The following CELF4 variants were observed in gnomAD, a reference collection of about 807,000 sequenced individuals.
CELF4 encodes CUGBP Elav-like family member 4.
A neutral mutation model predicts 59.9 loss-of-function variants in CELF4; 18 were observed. The observed-to-expected ratio is 0.30, with a 90% CI of 0.21 to 0.45. CELF4 has a LOEUF of 0.45. Ranked by LOEUF, CELF4 falls within the 20% of genes least tolerant of loss-of-function variation. The pLI, the probability that CELF4 is intolerant of heterozygous loss-of-function variation, is 1.00. For missense variants in CELF4, 456 were observed against 689.0 expected (o/e 0.66, Z 3.79); for synonymous variants, 261 against 267.1 (o/e 0.98, Z 0.22).
chr18:37,458,374 AT>A (rs2099784515), intron 2 of CELF4, among the ~76,000 whole-genome samples: 2 of 152,074 alleles, frequency 1.3e-5, no homozygotes, highest in African/African-American at 4.8e-5. Flanking sequence ...ACTAGTGGAG[AT>A]TTCCCCATGG....
intron 2 of CELF4, among the ~76,000 whole-genome samples, chr18:37,474,698 A>T (rs1403466012): frequency 1.3e-5 from 2 of 152,262 alleles, no homozygotes; most frequent in African/African-American, 4.8e-5. Flanking sequence ...GCGAGTACAC[A>T]GTGATTGGTA....
intron 3 of CELF4, among the ~76,000 whole-genome samples, chr18:37,318,110 G>A (rs1316531320): frequency 1.3e-5 from 2 of 152,192 alleles, no homozygotes; most frequent in Non-Finnish European, 2.9e-5. Context: ...GGCAGCTGTG[G>A]ATGGGTGTCC....
chr18:37,353,674 G>T (rs937562755), intron 2 of CELF4, among the ~76,000 whole-genome samples: 1 of 144,034 alleles, frequency 6.9e-6, no homozygotes, highest in Non-Finnish European at 1.5e-5. Flanking sequence ...GGGATGAGGG[G>T]GAATGATGAG....
At chr18:37,545,774 ACG>A (rs1555637954) in intron 1 of CELF4, among the ~76,000 whole-genome samples, 1 of 149,984 alleles carries the variant, frequency 6.7e-6, no homozygotes, top group African/African-American at 2.5e-5. Flanking sequence ...ACACACACAC[ACG>A]GCCCTGCACT....
chr18:37,500,543 T>C (rs568441728), intron 1 of CELF4, among the ~76,000 whole-genome samples: 2 of 150,618 alleles, frequency 1.3e-5, no homozygotes, highest in African/African-American at 4.9e-5. Context: ...TTTTCTTTTT[T>C]TTTTTTTTGA....
At chr18:37,518,907 T>G (rs1248405844) in intron 1 of CELF4, among the ~76,000 whole-genome samples, 7 of 152,258 alleles carry the variant, frequency 4.6e-5, no homozygotes, top group Non-Finnish European at 1.0e-4. Flanking sequence ...ACATGCATTA[T>G]GTACACATGC....
At chr18:37,296,368 G>A (rs1449326541) in intron 3 of CELF4, among the ~76,000 whole-genome samples, 2 of 152,168 alleles carry the variant, frequency 1.3e-5, no homozygotes, top group Non-Finnish European at 2.9e-5. Context: ...CCTAATTTTT[G>A]TACTTGTTGT....
At chr18:37,308,420 T>G (rs2096525785) in intron 3 of CELF4, among the ~76,000 whole-genome samples, 1 of 152,200 alleles carries the variant, frequency 6.6e-6, no homozygotes, top group South Asian at 2.1e-4. Flanking sequence ...GACACTGTCC[T>G]CCAGAGACCC....
chr18:37,308,881 G>A (rs532545680), intron 3 of CELF4, among the ~76,000 whole-genome samples: 1 of 152,300 alleles, frequency 6.6e-6, no homozygotes, highest in South Asian at 2.1e-4. Flanking sequence ...GGCATACATG[G>A]AGTTTCTCTA....
At chr18:37,297,821 CGTT>C (rs1255769211) in intron 3 of CELF4, among the ~76,000 whole-genome samples, 2 of 152,338 alleles carry the variant, frequency 1.3e-5, no homozygotes, top group Non-Finnish European at 2.9e-5. Flanking sequence ...TTCTTTCGCT[CGTT>C]GTAATCTCTG....
intron 2 of CELF4, among the ~76,000 whole-genome samples, chr18:37,415,158 C>T (rs2099517232): frequency 6.6e-6 from 1 of 152,128 alleles, no homozygotes; most frequent in African/African-American, 2.4e-5. Flanking sequence ...GGTGGCTGAA[C>T]TGAGCCCAGA....
At chr18:37,275,414 T>C (rs1479761219) in intron 3 of CELF4, among the ~76,000 whole-genome samples, 171 bp from the exon 4 acceptor site, 1 of 145,866 alleles carries the variant, frequency 6.9e-6, no homozygotes, top group Non-Finnish European at 1.5e-5. Flanking sequence ...CGGGGCTTAG[T>C]CGGAGCGGGA....
At chr18:37,495,606 A>G (rs1159247293) in intron 1 of CELF4, among the ~76,000 whole-genome samples, 2 of 152,090 alleles carry the variant, frequency 1.3e-5, no homozygotes, top group African/African-American at 4.8e-5. Flanking sequence ...AGCTCAGCAA[A>G]TACTTGCCGA....
In CELF4 at chr18:37,550,082, G is replaced by GT. The variant is rs1487524655; in HGVS notation, c.286+15273dup. 5.6e-3 allele frequency among the ~76,000 whole-genome samples: 611 copies of GT among 109,840 alleles called. 11 individuals carry two copies. Among genetic ancestry groups the GT allele is most frequent in the African/African-American group, 0.023 (557 of 24,300 alleles). The allele number at this position is 109,840 out of a possible 152,430, so 72.1% of individuals were successfully genotyped here. A position where few individuals can be genotyped will look rare whatever the true frequency, so the allele number is the denominator to read the frequency against. ...ATCAACTGGCAATGTGGTCCAATGG[G>GT]TGGGGGGGGGGGATCCGTGGGAAGA... is the stretch of plus-strand genomic sequence containing the variant. On this transcript the variant is annotated intron_variant, in intron 1 of 12. Transcript: ENST00000420428.
At chr18:37,359,122 A>G (rs1446883704) in intron 2 of CELF4, among the ~76,000 whole-genome samples, 1 of 152,054 alleles carries the variant, frequency 6.6e-6, no homozygotes, top group Non-Finnish European at 1.5e-5. Context: ...AAACAAAACA[A>G]AACACAAACC....
Position 37,254,141 on chromosome 18 carries a change from A to G in CELF4, c.1334-203T>C, listed in dbSNP as rs1427036550. Among the ~76,000 whole-genome samples the G allele has an allele frequency of 6.7e-6, 1 of 148,182 alleles. No individual in the cohort carries two copies. Among genetic ancestry groups the G allele is most frequent in the Non-Finnish European group, 1.5e-5 (1 of 66,844 alleles). On this transcript the variant is annotated intron_variant, in intron 11 of 12. Coordinates refer to ENST00000420428, the MANE Select transcript of CELF4 (RefSeq NM_020180.4). This position sits in a 1 kb window ranked among gnomAD's most constrained non-coding sequence, Gnocchi z 5.1. ...CCTCCGGGGGCAGGCGCTGGCGGGGACCCGGCTCGCTGACCTGCGCCTAGT... is the reference window on the plus strand; with the variant it reads ...CCTCCGGGGGCAGGCGCTGGCGGGGGCCCGGCTCGCTGACCTGCGCCTAGT...
intron 1 of CELF4, among the ~76,000 whole-genome samples, chr18:37,561,199 G>A (rs1284593098): frequency 6.6e-6 from 1 of 152,186 alleles, no homozygotes; most frequent in African/African-American, 2.4e-5. Context: ...CAGGCTGCCG[G>A]TAAAGTAGAT....
intron 1 of CELF4, among the ~76,000 whole-genome samples, chr18:37,538,029 G>A (rs1341868332): frequency 6.6e-6 from 1 of 152,214 alleles, no homozygotes; most frequent in Non-Finnish European, 1.5e-5. Context: ...CGGCTCCTTG[G>A]TCCGGGTTGT....
intron 12 of CELF4, among the ~76,000 whole-genome samples, chr18:37,247,659 A>G (rs2062895581): frequency 6.6e-6 from 1 of 151,824 alleles, no homozygotes; most frequent in African/African-American, 2.4e-5. Context: ...GCACACACAT[A>G]CACACATACA....
Sources: gnomAD v4.1 joint callset for allele counts (sites outside exome capture counted in the v4.1 genomes callset) on GRCh38, gnomAD v4.1.1 for gene constraint, Gnocchi (gnomAD v3.1) non-coding constraint, MANE v1.5 for transcripts, NCBI Gene and HGNC (gene_info 2026-07-23, HGNC 2026-07-21) for gene names.